Variants in BRD8 observed in about 807,000 individuals in gnomAD.
The protein encoded by BRD8 is bromodomain-containing protein 8.
In BRD8, 67 loss-of-function variants were observed where a neutral mutation model predicts 143.1. The ratio of observed to expected loss-of-function variants is 0.47; its 90% CI spans 0.38 to 0.57. The LOEUF (loss-of-function observed/expected upper bound fraction) is 0.57, where lower values mean the gene tolerates loss of function less well. Among genes scored for constraint, BRD8 ranks in the 20% least tolerant of loss-of-function variants. The probability of loss-of-function intolerance (pLI) is 0.00; values close to 1 mark genes in which losing one functional copy is unlikely to be tolerated. For synonymous variants in BRD8, 505 were observed against 517.1 expected (o/e 0.98, Z 0.32); for missense variants, 1,103 against 1,503.0 (o/e 0.73, Z 4.40).
Position 138,163,321 on chromosome 5 carries a change from C to T in BRD8, c.1896G>A (p.Glu632=), listed in dbSNP as rs773044001. 2 of 1,614,112 alleles carry T rather than the reference C, an allele frequency of 1.2e-6. No individual in the cohort carries two copies. The highest frequency in any genetic ancestry group is 1.1e-5 in the South Asian group (1 of 91,082). ...QIKDAPGEDE[E]EDGVSEAASL... ...TGGCCGCTTCACTGACACCATCTTC[C>T]TCCTCATCCTCACCTGGGGCATCCT... Residue 632 remains glutamate (E), a synonymous_variant, in exon 15 of 27, where the codon GAG becomes GAA. Transcript: ENST00000254900.
intron 21 of BRD8, among the ~76,000 whole-genome samples, chr5:138,151,691 T>C (rs2151185911): frequency 6.6e-6 from 1 of 152,258 alleles, no homozygotes; most frequent in East Asian, 1.9e-4. Context: ...TGAGACGGAG[T>C]CTCGCTCTGT....
At chr5:138,146,685 T>C (rs1453182350) in intron 23 of BRD8, among the ~76,000 whole-genome samples, 1 of 152,096 alleles carries the variant, frequency 6.6e-6, no homozygotes, top group East Asian at 1.9e-4. Context: ...TGTCTCAGAT[T>C]GGGCCCGGTG....
At position 138,148,178 on chromosome 5, in the gene BRD8, A is replaced by AAAAAAAAAAGGG. The variant is rs1348153336; in HGVS notation, c.3278+1450_3278+1461dup. On this transcript the variant is annotated intron_variant, in intron 23 of 26. Transcript: ENST00000254900. Reference sequence around the variant, plus strand: ...GAGCTGGAAAAAAAAAAAAAAAAAGAAAAAAAAAAGGGAAAAAAAAAGGGT... The same window carrying AAAAAAAAAAGGG: ...GAGCTGGAAAAAAAAAAAAAAAAAGAAAAAAAAAAGGGAAAAAAAAAGGGAAAAAAAAAGGGT... 2.8e-5 allele frequency among the ~76,000 whole-genome samples: 4 copies of AAAAAAAAAAGGG among 143,762 alleles called. No homozygotes were observed. In the East Asian group the frequency reaches 8.0e-4, roughly 29 times the overall value. 94.3% of individuals were successfully genotyped at this position (143,762 alleles called of 152,430 possible). A position where few individuals can be genotyped will look rare whatever the true frequency, so the allele number is the denominator to read the frequency against.
At chr5:138,149,515 A>G (rs1752295958) in intron 23 of BRD8, 125 bp downstream of exon 23, 1 of 758,862 alleles carries the variant, frequency 1.3e-6, no homozygotes, top group East Asian at 3.0e-5. Context: ...TACTTAATTA[A>G]TTATATTTTT....
intron 23 of BRD8, among the ~76,000 whole-genome samples, chr5:138,147,318 T>TA (rs1376726111): frequency 1.4e-5 from 2 of 143,082 alleles, no homozygotes; most frequent in African/African-American, 5.0e-5. Flanking sequence ...ATATATATAT[T>TA]CATATATAAA....
At chr5:138,158,605 ATTT>A (rs769073581) in intron 20 of BRD8, among the ~76,000 whole-genome samples, 3 of 137,022 alleles carry the variant, frequency 2.2e-5, no homozygotes, top group Admixed American at 7.4e-5. Context: ...CACCCGGCTA[ATTT>A]TTTTTTTTTT....
intron 12 of BRD8, 59 bp downstream of exon 12, chr5:138,164,655 G>A: frequency 3.2e-6 from 5 of 1,574,854 alleles, no homozygotes; most frequent in Non-Finnish European, 4.3e-6. Flanking sequence ...AGCCTAAGCT[G>A]TCACTTCTTA....
rs1752959302 is a variant in BRD8 at position 138,161,064 on chromosome 5, T to C, written c.2254A>G (p.Met752Val). The change falls in exon 18 of 27, where the codon ATG (methionine) becomes GTG (valine). Residue 752 changes from methionine (M) to valine (V), a missense_variant. Physicochemically the swap from Met to Val is conservative, Grantham distance 21. Around this residue, in one of 7 missense-constraint regions of BRD8, gnomAD observed 64 missense variants for 211.3 expected, o/e 0.30. Coordinates refer to ENST00000254900, the MANE Select transcript of BRD8 (RefSeq NM_139199.2). ...TTTTTCTTAATAGTTGACAAATCCA[T>C]AGGCCTAAAAAAAAAGAACAGGGGT... ...PGYHSIVQRP[M>V]DLSTIKKNIE... 2.5e-6 allele frequency: 4 copies of C among 1,609,230 alleles called. No individual in the cohort carries two copies. Among genetic ancestry groups the C allele is most frequent in the Non-Finnish European group, 3.4e-6 (4 of 1,177,926 alleles).
intron 6 of BRD8, 62 bp from the exon 7 acceptor site, chr5:138,170,471 A>C (rs1360814501): frequency 6.3e-7 from 1 of 1,586,364 alleles, no homozygotes; most frequent in South Asian, 1.1e-5. Context: ...AGTTCACAGA[A>C]CCCTTACAAA....
At chr5:138,142,215 C>T (rs1382780752) in intron 25 of BRD8, among the ~76,000 whole-genome samples, 1 of 152,172 alleles carries the variant, frequency 6.6e-6, no homozygotes, top group African/African-American at 2.4e-5. Flanking sequence ...AATACAACAA[C>T]AAGGCATCAT....
At chr5:138,174,156 T>TTGTG (rs56254005) in intron 2 of BRD8, among the ~76,000 whole-genome samples, 76,142 of 149,460 alleles carry the variant, frequency 0.51, 19,598 homozygotes, top group African/African-American at 0.6. Flanking sequence ...CAGTATTCCA[T>TTGTG]TGTGTGTGTG....
chr5:138,152,412 C>A, intron 21 of BRD8, 70 bp downstream of exon 21: 1 of 1,564,938 alleles, frequency 6.4e-7, no homozygotes, highest in Non-Finnish European at 8.7e-7. Flanking sequence ...GTGGTAGAAG[C>A]ATGTAAGGAT....
rs771347101 is a variant in BRD8, at chr5:138,164,715, T to C, written c.1730A>G (p.Glu577Gly). 1 of 1,613,908 alleles carries C rather than the reference T, an allele frequency of 6.2e-7. No individual in the cohort carries two copies. Among genetic ancestry groups the C allele is most frequent in the African/African-American group, 1.3e-5 (1 of 74,908 alleles). The change falls in exon 12 of 27, where the codon GAG becomes GGG. Residue 577 changes from glutamate (E) to glycine (G), a missense_variant and splice_region_variant. Physicochemically the swap from Glu to Gly is moderately conservative, Grantham distance 98. Transcript: ENST00000254900. ...CCAGCCCCGATCTTTCTTAAGTACC[T>C]CTGTCTTCACATTTGTAAGTGGAGT... ...DETPLTNVKT[E>G]ASPESMLSPS...
At chr5:138,153,673 C>CTTTTTTTTTTTTTT in intron 20 of BRD8, among the ~76,000 whole-genome samples, 1 of 107,346 alleles carries the variant, frequency 9.3e-6, no homozygotes, top group Non-Finnish European at 1.9e-5. Context: ...CTTTTCTTTT[C>CTTTTTTTTTTTTTT]TTTTTTTTTT....
chr5:138,158,800 C>G (rs1255855022), intron 20 of BRD8, among the ~76,000 whole-genome samples: 2 of 145,498 alleles, frequency 1.4e-5, no homozygotes, highest in Non-Finnish European at 3.0e-5. Flanking sequence ...AGGTCTCGCT[C>G]TGTCACCCAG....
chr5:138,178,202 A>G (rs1008670628), intron 1 of BRD8, among the ~76,000 whole-genome samples: 1 of 152,210 alleles, frequency 6.6e-6, no homozygotes, highest in African/African-American at 2.4e-5. Context: ...AGAAAAGCTC[A>G]TGGTTAAAAG....
At chr5:138,159,163 G>A (rs1752816223) in intron 20 of BRD8, among the ~76,000 whole-genome samples, 1 of 152,124 alleles carries the variant, frequency 6.6e-6, no homozygotes, top group Non-Finnish European at 1.5e-5. Context: ...GGAGACAAGA[G>A]AAAAACTATT....
In BRD8 at chr5:138,140,133, A is replaced by T; in HGVS notation, c.3649T>A (p.Ser1217Thr). ...LNIWLDKRKGSSSLEGEPANP... is the reference protein window; with the variant it reads ...LNIWLDKRKGTSSLEGEPANP... The stretch of plus-strand genomic sequence containing the variant: ...GCTGGTTCTCCTTCCAGACTACTTG[A>T]GCCTTTTCTTTTGTCTAACCAGATA... Residue 1217 changes from serine (S) to threonine (T), a missense_variant, in exon 27 of 27, where the codon TCA becomes ACA. Transcript: ENST00000254900. 1 of 1,613,928 alleles carries T rather than the reference A, an allele frequency of 6.2e-7. No individual in the cohort carries two copies. Among genetic ancestry groups the T allele is most frequent in the Non-Finnish European group, 8.5e-7 (1 of 1,179,834 alleles).
chr5:138,159,547 A>G lies in BRD8; in HGVS notation c.2577+8T>C. Reference sequence around the variant, plus strand: ...CAACACCACCCCTTGCAGCCATTCAATACTTACAAAGAGAGAGAGAAGGAA... The same window carrying G: ...CAACACCACCCCTTGCAGCCATTCAGTACTTACAAAGAGAGAGAGAAGGAA... On this transcript the variant is annotated splice_region_variant and intron_variant, in intron 20 of 26. Transcript: ENST00000254900. 2.5e-6 allele frequency: 4 copies of G among 1,613,986 alleles called. No homozygotes were observed. Among genetic ancestry groups the G allele is most frequent in the South Asian group, 1.1e-5 (1 of 91,074 alleles).
Sources: allele counts gnomAD v4.1 joint callset (sites outside exome capture counted in the v4.1 genomes callset), GRCh38; gene constraint gnomAD v4.1.1; regional missense constraint gnomAD v4.1.1; transcripts MANE v1.5; gene names NCBI Gene and HGNC (gene_info 2026-07-23, HGNC 2026-07-21).